Variants in COPG2 observed in about 807,000 individuals in gnomAD.
COPG2 encodes the protein coatomer subunit gamma-2.
In COPG2, 37 loss-of-function variants were observed where a neutral mutation model predicts 46.3. That is an observed-to-expected ratio of 0.80 (90% CI 0.61 to 1.05). The LOEUF is 1.05. Among genes scored for constraint, COPG2 ranks in the 50% least tolerant of loss-of-function variants. COPG2 has a pLI of 0.00. For synonymous variants in COPG2, 159 were observed against 129.7 expected (o/e 1.23, Z -1.53); for missense variants, 427 against 387.8 (o/e 1.10, Z -0.85).
At chr7:130,616,879 CT>C in intron 6 of COPG2, 110 bp downstream of exon 6, 1 of 641,392 alleles carries the variant, frequency 1.6e-6, no homozygotes. Context: ...TCATGTTTCT[CT>C]TATACTGAAA....
At chr7:130,627,846 G>A (rs563111626) in intron 5 of COPG2, among the ~76,000 whole-genome samples, 1 of 152,192 alleles carries the variant, frequency 6.6e-6, no homozygotes, top group African/African-American at 2.4e-5. Context: ...GCATTTGGCA[G>A]TTTTTCTTTT....
At chr7:130,635,000 G>A (rs1349299577) in intron 5 of COPG2, among the ~76,000 whole-genome samples, 6 of 151,128 alleles carry the variant, frequency 4.0e-5, no homozygotes, top group African/African-American at 1.2e-4. Flanking sequence ...CTGTTTATGT[G>A]ATGGATTACA....
chr7:130,596,877 C>T (rs1376144782), intron 9 of COPG2, among the ~76,000 whole-genome samples: 1 of 152,248 alleles, frequency 6.6e-6, no homozygotes, highest in Non-Finnish European at 1.5e-5. Context: ...CAAGTCAAGG[C>T]TATGGGTAAC....
chr7:130,555,311 G>A (rs1584972022), intron 12 of COPG2, among the ~76,000 whole-genome samples, 179 bp from the exon 13 acceptor site: 1 of 152,118 alleles, frequency 6.6e-6, no homozygotes, highest in Non-Finnish European at 1.5e-5. Context: ...CTTCATGGAA[G>A]ATAACCAAGG....
intron 4 of COPG2, among the ~76,000 whole-genome samples, chr7:130,661,371 T>C (rs1795974702): frequency 6.6e-6 from 1 of 152,196 alleles, no homozygotes; most frequent in Non-Finnish European, 1.5e-5. Context: ...GGCAATAGCC[T>C]TCCATGACTT....
At position 130,592,454 on chromosome 7, in the gene COPG2, T is replaced by C. The variant is rs139109459; in HGVS notation, c.737+18499A>G. The stretch of plus-strand genomic sequence containing the variant: ...GGTAGTACAAAACTAGAAAATAATA[T>C]GAACAGATTAAAATTAAACAATATT... On this transcript the variant is annotated intron_variant, in intron 9 of 23. Transcript: ENST00000425248. Among the ~76,000 whole-genome samples, 514 of 150,012 alleles carry C rather than the reference T, an allele frequency of 3.4e-3. 2 individuals are homozygous for C. Among genetic ancestry groups the C allele is most frequent in the African/African-American group, 0.012 (492 of 40,766 alleles).
At chr7:130,567,199 A>G (rs1259362147) in intron 9 of COPG2, among the ~76,000 whole-genome samples, 2 of 152,196 alleles carry the variant, frequency 1.3e-5, no homozygotes, top group African/African-American at 4.8e-5. Context: ...CATTGAGTGC[A>G]CATGGTCACA....
rs183706876 is a variant in COPG2, at chr7:130,657,410, T to C, written c.244-4462A>G. ...CAATATGAAATGGATCATAAGGTAA[T>C]TGATATAAAACTACAAACACCCAGA... On this transcript the variant is annotated intron_variant, in intron 4 of 23. Coordinates refer to ENST00000425248, the MANE Select transcript of COPG2 (RefSeq NM_012133.6). Among the ~76,000 whole-genome samples the C allele has an allele frequency of 1.4e-3, 216 of 152,218 alleles. 1 individual carries two copies. Among genetic ancestry groups the C allele is most frequent in the African/African-American group, 4.8e-3 (201 of 41,534 alleles).
chr7:130,507,924 T>C, intron 21 of COPG2, 101 bp from the exon 22 acceptor site: 1 of 692,996 alleles, frequency 1.4e-6, no homozygotes, highest in Non-Finnish European at 2.6e-6. Context: ...GAGAAAACTC[T>C]ACCACCAAAA....
chr7:130,514,335 C>T (rs1185066553), intron 20 of COPG2, among the ~76,000 whole-genome samples: 1 of 152,158 alleles, frequency 6.6e-6, no homozygotes, highest in Non-Finnish European at 1.5e-5. Context: ...AAACCCATCT[C>T]AAGGGTGAAA....
intron 20 of COPG2, among the ~76,000 whole-genome samples, chr7:130,531,710 T>C (rs1460427877): frequency 2.6e-5 from 4 of 152,030 alleles, no homozygotes; most frequent in African/African-American, 9.7e-5. Context: ...GCTGAGATAT[T>C]TGATTAAGAA....
At chr7:130,531,956 T>C (rs1367972909) in intron 20 of COPG2, among the ~76,000 whole-genome samples, 1 of 152,014 alleles carries the variant, frequency 6.6e-6, no homozygotes, top group Non-Finnish European at 1.5e-5. Context: ...AAAATCAATC[T>C]CTAAAATGAA....
At chr7:130,519,517 C>A (rs1799708147) in intron 20 of COPG2, among the ~76,000 whole-genome samples, 2 of 152,062 alleles carry the variant, frequency 1.3e-5, no homozygotes, top group East Asian at 3.9e-4. Context: ...ATGTTTATAT[C>A]CACTAAATGA....
At chr7:130,567,012 G>C (rs1304329631) in intron 9 of COPG2, among the ~76,000 whole-genome samples, 1 of 152,268 alleles carries the variant, frequency 6.6e-6, no homozygotes, top group African/African-American at 2.4e-5. Context: ...AACAACAGTG[G>C]ACTGGATGAA....
chr7:130,584,240 G>C lies in COPG2; in HGVS notation c.738-19847C>G, dbSNP rs183125602. On this transcript the variant is annotated intron_variant, in intron 9 of 23. Coordinates refer to ENST00000425248, the MANE Select transcript of COPG2 (RefSeq NM_012133.6). ...GATCATCGCAATAGATGCAGAAAAA[G>C]CATTTGACAAAATCCAGCATCCCTT... Among the ~76,000 whole-genome samples the C allele has an allele frequency of 5.4e-3, 828 of 152,046 alleles. 31 individuals carry two copies. The highest frequency in any genetic ancestry group is 0.052 in the Admixed American group (800 of 15,260).
At chr7:130,544,008 G>A (rs950275497) in intron 20 of COPG2, among the ~76,000 whole-genome samples, 45 of 152,290 alleles carry the variant, frequency 3.0e-4, no homozygotes, top group African/African-American at 9.1e-4. Context: ...TTAGACTGCA[G>A]GAATATTGAT....
chr7:130,522,594 T>C (rs1424115969), intron 20 of COPG2, among the ~76,000 whole-genome samples: 2 of 151,074 alleles, frequency 1.3e-5, no homozygotes, highest in Admixed American at 6.6e-5. Flanking sequence ...GAGTGTGGAG[T>C]AGAGAAACGA....
At chr7:130,657,297 A>C (rs1554460029) in intron 4 of COPG2, among the ~76,000 whole-genome samples, 1 of 152,140 alleles carries the variant, frequency 6.6e-6, no homozygotes, top group East Asian at 1.9e-4. Flanking sequence ...GAGAAAATGA[A>C]GAAGGAAGAA....
intron 9 of COPG2, chr7:130,604,721 T>G (rs1241400000): frequency 3.9e-6 from 2 of 517,384 alleles, no homozygotes; most frequent in African/African-American, 1.9e-5. Context: ...AAAATAAAAA[T>G]AGCAGGCATT....
Sources: allele counts gnomAD v4.1 joint callset (sites outside exome capture counted in the v4.1 genomes callset), GRCh38; gene constraint gnomAD v4.1.1; transcripts MANE v1.5; gene names NCBI Gene and HGNC (gene_info 2026-07-23, HGNC 2026-07-21).